Variants in SGCZ observed in about 807,000 individuals in gnomAD.
SGCZ encodes the protein zeta-sarcoglycan.
SGCZ carries 40 observed loss-of-function variants against 41.3 expected under a neutral mutation model. That is an observed-to-expected ratio of 0.97 (90% CI 0.75 to 1.26). The LOEUF is 1.26. Ranked by LOEUF, SGCZ falls within the 50% of genes most tolerant of loss-of-function variation. The pLI is 0.00. For synonymous variants in SGCZ, 206 were observed against 137.5 expected (o/e 1.50, Z -3.49); for missense variants, 552 against 369.8 (o/e 1.49, Z -4.04).
intron 1 of SGCZ, among the ~76,000 whole-genome samples, chr8:14,844,621 G>A (rs1362380889): frequency 6.6e-6 from 1 of 152,016 alleles, no homozygotes; most frequent in African/African-American, 2.4e-5. Flanking sequence ...GGAGATTTGG[G>A]GCCTGTTTTT....
chr8:15,150,210 G>A lies in SGCZ; in HGVS notation c.39+87375C>T, dbSNP rs148083558. On this transcript the variant is annotated intron_variant, in intron 1 of 7. Coordinates refer to ENST00000382080, the MANE Select transcript of SGCZ (RefSeq NM_139167.4). Reference sequence around the variant, plus strand: ...TTTATCCATTACTTTATAAAACAGTGCGAATCAGAAATAAACATACCAATA... The same window carrying A: ...TTTATCCATTACTTTATAAAACAGTACGAATCAGAAATAAACATACCAATA... Among the ~76,000 whole-genome samples, 4 of 151,556 alleles carry A rather than the reference G, an allele frequency of 2.6e-5. No homozygotes were observed. The East Asian group carries it at 5.8e-4, about 22-fold the overall frequency.
chr8:14,208,980 G>C (rs976936506), intron 4 of SGCZ, among the ~76,000 whole-genome samples: 1 of 152,140 alleles, frequency 6.6e-6, no homozygotes, highest in African/African-American at 2.4e-5. Flanking sequence ...GGACAAACAA[G>C]CTGGAAGCTC....
chr8:14,484,463 C>G (rs13272164), intron 2 of SGCZ, among the ~76,000 whole-genome samples: 137,588 of 151,896 alleles, frequency 0.91, 63,647 homozygotes, highest in East Asian at 1. Flanking sequence ...AATTCAGAAA[C>G]TTGCATTGAT....
At chr8:14,186,228 T>C (rs2117035091) in intron 4 of SGCZ, among the ~76,000 whole-genome samples, 1 of 152,316 alleles carries the variant, frequency 6.6e-6, no homozygotes, top group South Asian at 2.1e-4. Context: ...CAATTTAATG[T>C]TTCAGGAAAT....
chr8:15,025,003 A>G (rs1474686725), intron 1 of SGCZ, among the ~76,000 whole-genome samples: 1 of 151,880 alleles, frequency 6.6e-6, no homozygotes, highest in African/African-American at 2.4e-5. Context: ...GTTTCAAGCA[A>G]AGTCCTGAGC....
At chr8:14,312,780 T>A (rs967753179) in intron 3 of SGCZ, among the ~76,000 whole-genome samples, 10 of 152,166 alleles carry the variant, frequency 6.6e-5, no homozygotes, top group African/African-American at 2.2e-4. Flanking sequence ...GTGGCATCAA[T>A]ATGATATGGC....
At chr8:14,946,578 C>G (rs1800454914) in intron 1 of SGCZ, among the ~76,000 whole-genome samples, 1 of 151,764 alleles carries the variant, frequency 6.6e-6, no homozygotes, top group Admixed American at 6.6e-5. Flanking sequence ...GCGCCTGGCA[C>G]AATGTATGCA....
intron 1 of SGCZ, among the ~76,000 whole-genome samples, chr8:15,233,126 C>T (rs1034771107): frequency 2.0e-5 from 3 of 151,604 alleles, no homozygotes; most frequent in African/African-American, 7.3e-5. Context: ...ATTCAGTATT[C>T]ACAAATATGT....
intron 2 of SGCZ, among the ~76,000 whole-genome samples, chr8:14,546,174 C>A (rs1319220037): frequency 1.3e-5 from 2 of 152,064 alleles, no homozygotes; most frequent in Non-Finnish European, 2.9e-5. Flanking sequence ...CCACACACAC[C>A]ACACTGAGGG....
intron 2 of SGCZ, among the ~76,000 whole-genome samples, chr8:14,527,050 T>C (rs77968902): frequency 0.023 from 3,426 of 149,196 alleles, 130 homozygotes; most frequent in Admixed American, 0.085. Context: ...GCCTTCTTAA[T>C]ATAAAAAGAT....
Position 15,088,187 on chromosome 8 carries a change from TG to T in SGCZ, c.39+149397del, listed in dbSNP as rs549295339. ...GTTTGATCATATTATTGATTACCTATGTTTTACAAAAGGTAACTGAGATTAG... is the reference window on the plus strand; with the variant it reads ...GTTTGATCATATTATTGATTACCTATTTTTACAAAAGGTAACTGAGATTAG... On this transcript the variant is annotated intron_variant, in intron 1 of 7. Coordinates refer to ENST00000382080, the MANE Select transcript of SGCZ (RefSeq NM_139167.4). Among the ~76,000 whole-genome samples the T allele has an allele frequency of 6.4e-3, 978 of 152,278 alleles. 5 individuals are homozygous for T. The highest frequency in any genetic ancestry group is 9.3e-3 in the Non-Finnish European group (630 of 67,984).
chr8:15,115,569 G>C (rs1807237130), intron 1 of SGCZ, among the ~76,000 whole-genome samples: 1 of 152,132 alleles, frequency 6.6e-6, no homozygotes, highest in African/African-American at 2.4e-5. Flanking sequence ...ATATGTAAAG[G>C]CTTTCCTCAA....
chr8:14,595,400 A>AACAC (rs34287378), intron 1 of SGCZ, among the ~76,000 whole-genome samples: 44,476 of 135,724 alleles, frequency 0.33, 7,665 homozygotes, highest in Non-Finnish European at 0.42. Context: ...AACATGCACA[A>AACAC]ACACACACAC....
chr8:14,432,021 A>C (rs2117339082), intron 2 of SGCZ, among the ~76,000 whole-genome samples: 1 of 152,244 alleles, frequency 6.6e-6, no homozygotes, highest in Non-Finnish European at 1.5e-5. Context: ...CCAAAAATTA[A>C]AAAAAATAAT....
intron 4 of SGCZ, chr8:14,165,135 A>C (rs1301107336): frequency 6.4e-6 from 1 of 155,418 alleles, no homozygotes; most frequent in Non-Finnish European, 1.4e-5. Context: ...TACATCACGG[A>C]GGACTTGTTA....
chr8:14,676,414 G>A (rs1180608462), intron 1 of SGCZ, among the ~76,000 whole-genome samples: 2 of 151,766 alleles, frequency 1.3e-5, no homozygotes, highest in Non-Finnish European at 2.9e-5. Flanking sequence ...AGCTACTTGG[G>A]AGGCTGAGAC....
At chr8:14,528,651 T>C (rs916829305) in intron 2 of SGCZ, among the ~76,000 whole-genome samples, 2 of 151,928 alleles carry the variant, frequency 1.3e-5, no homozygotes, top group African/African-American at 4.8e-5. Flanking sequence ...CAGAATCAAC[T>C]TCCATTAATC....
At chr8:14,751,825 G>C (rs1428265241) in intron 1 of SGCZ, among the ~76,000 whole-genome samples, 3 of 82 alleles carry the variant, frequency 0.037, no homozygotes, top group Admixed American at 0.17. Context: ...TAGGATTACA[G>C]GTTGTGAGCC....
At chr8:14,836,893 A>G (rs1442277066) in intron 1 of SGCZ, among the ~76,000 whole-genome samples, 1 of 152,186 alleles carries the variant, frequency 6.6e-6, no homozygotes, top group Non-Finnish European at 1.5e-5. Flanking sequence ...AACAATATTC[A>G]CAGTCCAGAA....
Sources: gnomAD v4.1 joint callset for allele counts (sites outside exome capture counted in the v4.1 genomes callset) on GRCh38, gnomAD v4.1.1 for gene constraint, MANE v1.5 for transcripts, NCBI Gene and HGNC (gene_info 2026-07-23, HGNC 2026-07-21) for gene names.